The following OSBPL1A variants were observed in gnomAD, a reference collection of about 807,000 sequenced individuals.
OSBPL1A encodes the protein oxysterol-binding protein-related protein 1.
A neutral mutation model predicts 137.1 loss-of-function variants in OSBPL1A; 80 were observed. That is an observed-to-expected ratio of 0.58 (90% confidence interval 0.49 to 0.70). The LOEUF is 0.70. Ranked by LOEUF, OSBPL1A falls within the 30% of genes least tolerant of loss-of-function variation. The probability of loss-of-function intolerance (pLI) is 0.00; values close to 1 mark genes in which losing one functional copy is unlikely to be tolerated. For missense variants in OSBPL1A, 970 were observed against 1,129.4 expected (o/e 0.86, Z 2.02); for synonymous variants, 365 against 389.7 (o/e 0.94, Z 0.75).
At chr18:24,278,638 A>G (rs1227430038) in intron 15 of OSBPL1A, among the ~76,000 whole-genome samples, 1 of 152,152 alleles carries the variant, frequency 6.6e-6, no homozygotes, top group Non-Finnish European at 1.5e-5. Flanking sequence ...AACCAACATA[A>G]CACGTTACTT....
At chr18:24,190,321 C>T (rs2086854724) in intron 18 of OSBPL1A, among the ~76,000 whole-genome samples, 1 of 136,194 alleles carries the variant, frequency 7.3e-6, no homozygotes, top group African/African-American at 2.9e-5. Flanking sequence ...GCTCATTTCC[C>T]CATTCACAGT....
intron 14 of OSBPL1A, among the ~76,000 whole-genome samples, chr18:24,290,293 G>A (rs898204813): frequency 6.6e-6 from 1 of 152,152 alleles, no homozygotes; most frequent in Non-Finnish European, 1.5e-5. Context: ...ACAAACAAAA[G>A]GCAAGGCTGA....
At chr18:24,337,426 C>T (rs1018879474) in intron 5 of OSBPL1A, among the ~76,000 whole-genome samples, 3 of 62,560 alleles carry the variant, frequency 4.8e-5, no homozygotes, top group African/African-American at 9.9e-5. Context: ...TAACATAAAG[C>T]CAGGCATGGT....
At chr18:24,308,662 T>A (rs1033461621) in intron 13 of OSBPL1A, among the ~76,000 whole-genome samples, 4 of 152,224 alleles carry the variant, frequency 2.6e-5, no homozygotes, top group Non-Finnish European at 2.9e-5. Context: ...CTTTCTATGA[T>A]GCTGGAAATA....
At chr18:24,307,946 T>C (rs2090537370) in intron 13 of OSBPL1A, among the ~76,000 whole-genome samples, 1 of 141,610 alleles carries the variant, frequency 7.1e-6, no homozygotes, top group Non-Finnish European at 1.5e-5. Context: ...TGCACCACCA[T>C]GCCTTTCTAA....
intron 19 of OSBPL1A, 78 bp downstream of exon 19, chr18:24,181,067 T>G: frequency 6.7e-7 from 1 of 1,485,338 alleles, no homozygotes; most frequent in Non-Finnish European, 9.1e-7. Flanking sequence ...ACACTAATTG[T>G]GTGAACGTGT....
At chr18:24,207,240 T>C (rs1050307346) in intron 17 of OSBPL1A, among the ~76,000 whole-genome samples, 19 of 152,080 alleles carry the variant, frequency 1.2e-4, no homozygotes, top group Non-Finnish European at 1.3e-4. Flanking sequence ...CCCACCATCA[T>C]GCCTGGCTAA....
At chr18:24,313,364 C>A (rs868562020) in intron 12 of OSBPL1A, among the ~76,000 whole-genome samples, 7 of 150,818 alleles carry the variant, frequency 4.6e-5, no homozygotes, top group South Asian at 4.2e-4. Context: ...TCACTTGACC[C>A]AGGGAGGCAG....
At chr18:24,320,860 C>G (rs1014419238) in intron 7 of OSBPL1A, among the ~76,000 whole-genome samples, 16 of 151,790 alleles carry the variant, frequency 1.1e-4, no homozygotes, top group African/African-American at 3.9e-4. Context: ...AAACCCCCAT[C>G]TCTACTAAAA....
In OSBPL1A at chr18:24,310,760, G is replaced by C. The variant is rs536930277; in HGVS notation, c.1092+1224C>G. On this transcript the variant is annotated intron_variant, in intron 13 of 27. Coordinates refer to ENST00000319481, the MANE Select transcript of OSBPL1A (RefSeq NM_080597.4). ...TAGTATGCTTTGTCAATCCTTCCAG[G>C]TTTTATCATTTACCTCTTATTGACG... 2.0e-3 allele frequency among the ~76,000 whole-genome samples: 301 copies of C among 152,038 alleles called. 2 individuals are homozygous for C. The highest frequency in any genetic ancestry group is 6.8e-3 in the African/African-American group (284 of 41,476).
intron 15 of OSBPL1A, among the ~76,000 whole-genome samples, chr18:24,249,796 T>TG (rs1011271155): frequency 6.6e-6 from 1 of 152,112 alleles, no homozygotes; most frequent in African/African-American, 2.4e-5. Context: ...CAAAGTCCTC[T>TG]GGGGGGTCCT....
intron 14 of OSBPL1A, among the ~76,000 whole-genome samples, chr18:24,295,177 A>AT (rs1031922126): frequency 5.3e-5 from 8 of 152,058 alleles, no homozygotes; most frequent in East Asian, 1.9e-4. Flanking sequence ...GCTGTTGAGC[A>AT]TTTTTTTATA....
intron 15 of OSBPL1A, among the ~76,000 whole-genome samples, chr18:24,274,381 C>T (rs2089797106): frequency 2.6e-5 from 4 of 152,100 alleles, no homozygotes; most frequent in South Asian, 4.2e-4. Flanking sequence ...GTTTGAGACA[C>T]GTTGGTTTTG....
chr18:24,171,285 G>A, intron 23 of OSBPL1A, 124 bp downstream of exon 23: 1 of 663,794 alleles, frequency 1.5e-6, no homozygotes, highest in Non-Finnish European at 2.6e-6. Context: ...GCCCACCTCA[G>A]CCTCCCAAAG....
chr18:24,199,840 C>A (rs886600844), intron 17 of OSBPL1A, among the ~76,000 whole-genome samples: 1 of 152,110 alleles, frequency 6.6e-6, no homozygotes, highest in Non-Finnish European at 1.5e-5. Context: ...CAGAAAGGCA[C>A]CCCAGCTCGA....
intron 14 of OSBPL1A, among the ~76,000 whole-genome samples, chr18:24,292,039 T>A (rs911747675): frequency 6.6e-6 from 1 of 152,088 alleles, no homozygotes; most frequent in Non-Finnish European, 1.5e-5. Flanking sequence ...GAGCCAAGAT[T>A]GCGCCACTGT....
intron 5 of OSBPL1A, among the ~76,000 whole-genome samples, chr18:24,339,804 C>T (rs1003949956): frequency 2.7e-4 from 41 of 152,268 alleles, no homozygotes; most frequent in African/African-American, 9.4e-4. Context: ...TTTGCTTGTT[C>T]ATTGATAAGC....
intron 5 of OSBPL1A, among the ~76,000 whole-genome samples, chr18:24,340,058 G>A (rs1427338479): frequency 6.6e-6 from 1 of 152,078 alleles, no homozygotes; most frequent in Non-Finnish European, 1.5e-5. Flanking sequence ...AGGAAAGAAA[G>A]GCTATGTGTG....
intron 15 of OSBPL1A, among the ~76,000 whole-genome samples, chr18:24,243,051 G>A (rs907154322): frequency 1.3e-5 from 2 of 152,170 alleles, no homozygotes; most frequent in East Asian, 3.9e-4. Flanking sequence ...CCAACACAGC[G>A]AAACCCCATC....
Sources: allele counts gnomAD v4.1 joint callset (sites outside exome capture counted in the v4.1 genomes callset), GRCh38; gene constraint gnomAD v4.1.1; transcripts MANE v1.5; gene names NCBI Gene and HGNC (gene_info 2026-07-23, HGNC 2026-07-21).